The following TYRP1 variants were observed in gnomAD, a reference collection of about 807,000 sequenced individuals.
TYRP1 encodes the protein 5,6-dihydroxyindole-2-carboxylic acid oxidase.
Under a neutral mutation model 42.8 loss-of-function variants are expected in TYRP1, and 49 were observed. That is an observed-to-expected ratio of 1.14 (90% CI 0.91 to 1.45). The LOEUF (loss-of-function observed/expected upper bound fraction) is 1.45, where lower values mean the gene tolerates loss of function less well. Ranked by LOEUF, TYRP1 falls within the 40% of genes most tolerant of loss-of-function variation. The pLI, the probability that TYRP1 is intolerant of heterozygous loss-of-function variation, is 0.00. For missense variants in TYRP1, 848 were observed against 662.0 expected, an observed-to-expected ratio of 1.28 and a Z score of -3.08; for synonymous variants, 279 against 235.4, an observed-to-expected ratio of 1.19 and a Z score of -1.69.
Position 12,695,730 on chromosome 9 carries a change from C to A in TYRP1, c.601C>A (p.Leu201Ile), listed in dbSNP as rs1430089345. The change falls in exon 3 of 8, where the codon CTT becomes ATT. Residue 201 changes from leucine to isoleucine, a missense_variant. Leu to Ile is a conservative substitution (Grantham distance 5, BLOSUM62 2). Transcript: ENST00000388918. ...THYYSVKKTF[L>I]GVGQESFGEV... is the part of the protein sequence containing the mutation. The stretch of plus-strand genomic sequence containing the variant: ...CTATTACTCAGTCAAAAAGACTTTC[C>A]TTGGGGTAGGACAGGAAAGCTTTGG... 1 of 1,614,078 alleles carries A rather than the reference C, an allele frequency of 6.2e-7. No individual in the cohort carries two copies. Among genetic ancestry groups the A allele is most frequent in the Admixed American group, 1.7e-5 (1 of 60,018 alleles).
At chr9:12,708,262 A>G (rs1165221253) in intron 7 of TYRP1, 119 bp downstream of exon 7, 4 of 1,254,462 alleles carry the variant, frequency 3.2e-6, no homozygotes, top group Admixed American at 4.0e-5. Flanking sequence ...GGAAACTTTC[A>G]TTTGTACTTT....
At chr9:12,706,642 C>T (rs991677261) in intron 6 of TYRP1, among the ~76,000 whole-genome samples, 14 of 151,954 alleles carry the variant, frequency 9.2e-5, no homozygotes, top group Non-Finnish European at 1.2e-4. Flanking sequence ...TCAATGTAAA[C>T]ACTTGCAAAC....
At chr9:12,706,676 A>G (rs919470084) in intron 6 of TYRP1, among the ~76,000 whole-genome samples, 7 of 152,166 alleles carry the variant, frequency 4.6e-5, no homozygotes, top group Middle Eastern at 6.8e-3. Context: ...AGCTGAAACA[A>G]TTAGCCTCCT....
Position 12,693,995 on chromosome 9 carries a change from G to A in TYRP1, c.-2G>A. On this transcript the variant is annotated 5_prime_UTR_variant, in exon 2 of 8. Coordinates refer to ENST00000388918, the MANE Select transcript of TYRP1 (RefSeq NM_000550.3). ...TTGTTTTGCACTCTTATTTCAAGCA[G>A]AATGAGTGCTCCTAAACTCCTCTCT... 13 of 1,613,808 alleles carry A rather than the reference G, an allele frequency of 8.1e-6. No homozygotes were observed. Among genetic ancestry groups the A allele is most frequent in the Non-Finnish European group, 1.1e-5 (13 of 1,179,976 alleles).
intron 2 of TYRP1, among the ~76,000 whole-genome samples, chr9:12,694,943 G>T (rs559973425): frequency 6.6e-6 from 1 of 152,310 alleles, no homozygotes; most frequent in African/African-American, 2.4e-5. Context: ...CTATGTGCGA[G>T]ATAGTAGACT....
At position 12,709,280 on chromosome 9, in the gene TYRP1, T is replaced by G; in HGVS notation, c.*98T>G. On this transcript the variant is annotated 3_prime_UTR_variant, in exon 8 of 8. Coordinates refer to ENST00000388918, the MANE Select transcript of TYRP1 (RefSeq NM_000550.3). ...TGTATTTTCTTTCACTTTATTACCT[T>G]CTTTCTAATACAAGCATATGTTAGC... 1.7e-6 allele frequency: 2 copies of G among 1,199,284 alleles called. No homozygotes were observed. The highest frequency in any genetic ancestry group is 2.4e-6 in the Non-Finnish European group (2 of 816,498). 74.3% of individuals were successfully genotyped at this position (1,199,284 alleles called of 1,614,324 possible).
chr9:12,693,796 G>C (rs1195239480), intron 1 of TYRP1, 116 bp from the exon 2 acceptor site: 1 of 607,544 alleles, frequency 1.6e-6, no homozygotes, highest in Non-Finnish European at 2.8e-6. Flanking sequence ...TTTATTATTT[G>C]TGTGAAATGT....
chr9:12,695,874 A>C, intron 3 of TYRP1, 37 bp downstream of exon 3: 1 of 1,596,304 alleles, frequency 6.3e-7, no homozygotes, highest in Non-Finnish European at 8.6e-7. Flanking sequence ...GACTCTTTAC[A>C]GACAAGATGC....
Position 12,695,808 on chromosome 9 carries a change from C to G in TYRP1, c.679C>G (p.His227Asp). 1 of 1,614,082 alleles carries G rather than the reference C, an allele frequency of 6.2e-7. No individual in the cohort carries two copies. The highest frequency in any genetic ancestry group is 1.3e-5 in the African/African-American group (1 of 75,018). The stretch of plus-strand genomic sequence containing the variant: ...AGCTTTTCTCACATGGCACAGGTAC[C>G]ACCTCCTGCGTCTGGAGAAAGACAT... ...GPAFLTWHRY[H>D]LLRLEKDMQE... is the part of the protein sequence containing the mutation. Residue 227 changes from histidine (H) to aspartate (D), a missense_variant, in exon 3 of 8, where the codon CAC (histidine) becomes GAC (aspartate). His to Asp is a moderately conservative substitution (Grantham distance 81). Coordinates refer to ENST00000388918, the MANE Select transcript of TYRP1 (RefSeq NM_000550.3).
intron 7 of TYRP1, 148 bp from the exon 8 acceptor site, chr9:12,708,829 C>A: frequency 4.1e-6 from 3 of 732,126 alleles, no homozygotes; most frequent in Non-Finnish European, 7.0e-6. Context: ...TAAAAGAAAT[C>A]AGGAAGTGGC....
intron 4 of TYRP1, among the ~76,000 whole-genome samples, chr9:12,700,896 G>T (rs1443633666): frequency 6.6e-6 from 1 of 151,970 alleles, no homozygotes. Flanking sequence ...TGAGGCATAT[G>T]TTTTAGTTAC....
At chr9:12,698,307 G>A in intron 3 of TYRP1, 144 bp from the exon 4 acceptor site, 2 of 784,552 alleles carry the variant, frequency 2.5e-6, no homozygotes, top group South Asian at 1.5e-5. Context: ...ACTCCTCTGG[G>A]CCCCTCAGAC....
Position 12,694,278 on chromosome 9 carries a change from C to G in TYRP1, c.282C>G (p.Phe94Leu). ...RDDREVWPLR[F>L]FNRTCHCNGN... ...ATCGGGAGGTCTGGCCCTTGCGCTTCTTCAATAGGACATGTCACTGCAACG... is the reference window on the plus strand; with the variant it reads ...ATCGGGAGGTCTGGCCCTTGCGCTTGTTCAATAGGACATGTCACTGCAACG... Residue 94 changes from phenylalanine (F) to leucine (L), a missense_variant, in exon 2 of 8, where the codon TTC becomes TTG. Coordinates refer to ENST00000388918, the MANE Select transcript of TYRP1 (RefSeq NM_000550.3). The G allele has an allele frequency of 6.2e-7, 1 of 1,613,918 alleles. No homozygotes were observed. Among genetic ancestry groups the G allele is most frequent in the Non-Finnish European group, 8.5e-7 (1 of 1,179,966 alleles).
chr9:12,699,618 A>G (rs1267347051), intron 4 of TYRP1, among the ~76,000 whole-genome samples: 2 of 152,104 alleles, frequency 1.3e-5, no homozygotes, highest in Non-Finnish European at 2.9e-5. Context: ...ATTATTTAGC[A>G]ATGTATAGGA....
At chr9:12,700,963 T>C (rs970317192) in intron 4 of TYRP1, among the ~76,000 whole-genome samples, 4 of 152,058 alleles carry the variant, frequency 2.6e-5, no homozygotes, top group Admixed American at 2.0e-4. Context: ...ACGTTAATTA[T>C]AAAGCATAGA....
At position 12,702,451 on chromosome 9, in the gene TYRP1, A is replaced by C; in HGVS notation, c.1081+13A>C. ...AACACAGTGGAAGGCAAGTAAATGA[A>C]ATCAGTATTTTTAAAAGATCTAGTT... On this transcript the variant is annotated intron_variant, in intron 5 of 7. Coordinates refer to ENST00000388918, the MANE Select transcript of TYRP1 (RefSeq NM_000550.3). 6.2e-7 allele frequency: 1 copy of C among 1,611,668 alleles called. No homozygotes were observed. The highest frequency in any genetic ancestry group is 1.3e-5 in the African/African-American group (1 of 74,966).
At chr9:12,700,602 C>A (rs1284491534) in intron 4 of TYRP1, 1 of 151,998 alleles carries the variant, frequency 6.6e-6, no homozygotes, top group Non-Finnish European at 1.5e-5. Context: ...AGAGTTTGTC[C>A]ATATGCAAAC....
chr9:12,701,461 G>A (rs943540232), intron 4 of TYRP1, among the ~76,000 whole-genome samples: 1 of 151,936 alleles, frequency 6.6e-6, no homozygotes, highest in Non-Finnish European at 1.5e-5. Context: ...CAGATAGGGG[G>A]TGTTATAGAC....
At chr9:12,706,938 A>G (rs570981188) in intron 6 of TYRP1, among the ~76,000 whole-genome samples, 17 of 152,082 alleles carry the variant, frequency 1.1e-4, no homozygotes, top group Non-Finnish European at 2.2e-4. Flanking sequence ...GGAAAGGAAC[A>G]AAAATTACAC....
Sources: gnomAD v4.1 joint callset for allele counts (sites outside exome capture counted in the v4.1 genomes callset) on GRCh38, gnomAD v4.1.1 for gene constraint, MANE v1.5 for transcripts, NCBI Gene and HGNC (gene_info 2026-07-23, HGNC 2026-07-21) for gene names.